USP22: variants seen among roughly 807,000 people sequenced by gnomAD.
USP22 encodes ubiquitin carboxyl-terminal hydrolase 22.
USP22 carries 22 observed loss-of-function variants against 68.1 expected under a neutral mutation model. The observed-to-expected ratio is 0.32, with a 90% CI of 0.23 to 0.46. USP22 has a LOEUF of 0.46. USP22 is among the 20% of genes least tolerant of loss of function. The pLI is 1.00. For synonymous variants in USP22, 279 were observed against 274.2 expected (o/e 1.02, Z -0.17); for missense variants, 433 against 695.8 (o/e 0.62, Z 4.25).
intron 10 of USP22, 60 bp downstream of exon 10, chr17:21,006,836 T>G: frequency 1.4e-6 from 2 of 1,390,374 alleles, no homozygotes; most frequent in South Asian, 2.9e-5. Context: ...CGAGCTGGAT[T>G]CCTGTCCTGA....
At chr17:21,025,605 T>C (rs1972209924) in intron 2 of USP22, among the ~76,000 whole-genome samples, 1 of 152,166 alleles carries the variant, frequency 6.6e-6, no homozygotes, top group Non-Finnish European at 1.5e-5. Context: ...CACACGTCCA[T>C]CAGCAGATGA....
At chr17:21,041,201 GAC>G (rs1039173403) in intron 1 of USP22, among the ~76,000 whole-genome samples, 7 of 152,008 alleles carry the variant, frequency 4.6e-5, no homozygotes, top group Non-Finnish European at 8.8e-5. Flanking sequence ...TTTTCTTAAA[GAC>G]ACACAATTCT....
Position 21,021,847 on chromosome 17 carries a change from C to A in USP22, c.305-621G>T, listed in dbSNP as rs139299714. Among the ~76,000 whole-genome samples the A allele has an allele frequency of 4.4e-3, 669 of 152,258 alleles. 7 individuals carry two copies. Among genetic ancestry groups the A allele is most frequent in the African/African-American group, 0.015 (634 of 41,546 alleles). On this transcript the variant is annotated intron_variant, in intron 2 of 12. Coordinates refer to ENST00000261497, the MANE Select transcript of USP22 (RefSeq NM_015276.2). ...AGGAGCTGTGACTTATGCCTGTTAC[C>A]CCAGCACTTTGGGAAGCCGATGTAG...
intron 2 of USP22, 95 bp from the exon 3 acceptor site, chr17:21,021,321 T>C: frequency 2.5e-6 from 2 of 789,456 alleles, no homozygotes; most frequent in Non-Finnish European, 4.3e-6. Context: ...GTTCTGTAGA[T>C]ACTGACTGTT....
intron 10 of USP22, chr17:21,005,263 A>G: frequency 4.6e-6 from 2 of 432,888 alleles, no homozygotes; most frequent in South Asian, 7.3e-5. Flanking sequence ...TGGTAATGGG[A>G]GCTGGATCTG....
At position 21,004,333 on chromosome 17, in the gene USP22, A is replaced by G; in HGVS notation, c.1404T>C (p.Val468=). 1 of 1,614,188 alleles carries G rather than the reference A, an allele frequency of 6.2e-7. No individual in the cohort carries two copies. The highest frequency in any genetic ancestry group is 8.5e-7 in the Non-Finnish European group (1 of 1,180,006). Residue 468 remains valine, a synonymous_variant, in exon 12 of 13, where the codon GTT becomes GTC. Coordinates refer to ENST00000261497, the MANE Select transcript of USP22 (RefSeq NM_015276.2). The part of the protein sequence containing the change: ...NNDNKYSLFA[V]VNHQGTLESG... ...TCTCCAAGGTCCCTTGATGGTTAAC[A>G]ACAGCAAACAGGGAATACCTAGTGC...
In USP22 at chr17:21,013,083, G is replaced by A. The variant is rs571220259; in HGVS notation, c.839-148C>T. On this transcript the variant is annotated intron_variant, in intron 6 of 12. Transcript: ENST00000261497. ...AGGACACTCCTCATTTTAGCAGAGG[G>A]TGTCCTTGTTATTTTAATATGACGA... 1.3e-5 allele frequency: 8 copies of A among 605,046 alleles called. No individual in the cohort carries two copies. In the African/African-American group the frequency reaches 1.5e-4, roughly 11 times the overall value. The allele number at this position is 605,046 out of a possible 1,614,324, so 37.5% of individuals were successfully genotyped here.
chr17:21,028,287 T>C (rs1972246947), intron 2 of USP22, among the ~76,000 whole-genome samples: 1 of 152,118 alleles, frequency 6.6e-6, no homozygotes, highest in Non-Finnish European at 1.5e-5. Context: ...CAGTGCAACT[T>C]TTCACAGGAA....
chr17:21,004,375 G>A (rs765205458), intron 11 of USP22, 24 bp from the exon 12 acceptor site: 15 of 1,611,202 alleles, frequency 9.3e-6, no homozygotes, highest in Non-Finnish European at 1.2e-5. Flanking sequence ...AAAGGAGAGG[G>A]AGGGCGCAGG....
chr17:21,035,601 C>T (rs1460404944), intron 1 of USP22, among the ~76,000 whole-genome samples: 1 of 151,626 alleles, frequency 6.6e-6, no homozygotes, highest in East Asian at 1.9e-4. Flanking sequence ...GTCAACAAGT[C>T]ACAAGGCCCA....
chr17:21,000,759 C>T lies in USP22; in HGVS notation c.*2272G>A, dbSNP rs1913540860. The T allele has an allele frequency of 6.6e-6, 1 of 152,216 alleles. No homozygotes were observed. Among genetic ancestry groups the T allele is most frequent in the South Asian group, 2.1e-4 (1 of 4,836 alleles). 9.4% of individuals were successfully genotyped at this position (152,216 alleles called of 1,614,324 possible). A position where few individuals can be genotyped will look rare whatever the true frequency, so the allele number is the denominator to read the frequency against. ...AACTCTCCTTTCCATTAGATTTGTTCCTAATTAAAAGACCACTCATAGGCC... is the reference window on the plus strand; with the variant it reads ...AACTCTCCTTTCCATTAGATTTGTTTCTAATTAAAAGACCACTCATAGGCC... On this transcript the variant is annotated 3_prime_UTR_variant, in exon 13 of 13. Coordinates refer to ENST00000261497, the MANE Select transcript of USP22 (RefSeq NM_015276.2).
Position 21,019,200 on chromosome 17 carries a change from G to A in USP22, c.419-15C>T, listed in dbSNP as rs1288985180. 3.7e-6 allele frequency: 6 copies of A among 1,612,270 alleles called. No homozygotes were observed. The highest frequency in any genetic ancestry group is 4.2e-6 in the Non-Finnish European group (5 of 1,178,374). On this transcript the variant is annotated splice_polypyrimidine_tract_variant and intron_variant, in intron 3 of 12. Transcript: ENST00000261497. ...CTCTCCAACGCCTAAGCAGATGAAGGACAGTTCCAAGCGCTATTAGCTAGA... is the reference window on the plus strand; with the variant it reads ...CTCTCCAACGCCTAAGCAGATGAAGAACAGTTCCAAGCGCTATTAGCTAGA...
intron 2 of USP22, among the ~76,000 whole-genome samples, chr17:21,024,762 T>C (rs181488228): frequency 2.6e-5 from 4 of 151,342 alleles, no homozygotes; most frequent in Admixed American, 2.6e-4. Context: ...GAGCCCAGAG[T>C]TCAAGATAAG....
At chr17:21,042,000 GGGCCCCGAGGCAGCCGCGAAGCTCC>G (rs1204960890) in intron 1 of USP22, among the ~76,000 whole-genome samples, 1 of 151,728 alleles carries the variant, frequency 6.6e-6, no homozygotes, top group Non-Finnish European at 1.5e-5. Flanking sequence ...AGCTCCTCGC[GGGCCCCGAGGCAGCCGCGAAGCTCC>G]GGCCCCGCGC....
At position 21,042,843 on chromosome 17, in the gene USP22, A is replaced by G. The variant is rs893545919; in HGVS notation, c.-8T>C. 1 of 1,289,846 alleles carries G rather than the reference A, an allele frequency of 7.8e-7. No homozygotes were observed. Among genetic ancestry groups the G allele is most frequent in the Admixed American group, 3.9e-5 (1 of 25,364 alleles). 79.9% of individuals were successfully genotyped at this position (1,289,846 alleles called of 1,614,324 possible). A position where few individuals can be genotyped will look rare whatever the true frequency, so the allele number is the denominator to read the frequency against. On this transcript the variant is annotated 5_prime_UTR_variant, in exon 1 of 13. Coordinates refer to ENST00000261497, the MANE Select transcript of USP22 (RefSeq NM_015276.2). ...CTCTGGCCGGGACACCATGGGGGGC[A>G]AGGCCCGGCCGCGCGCGGGGGGCGG... is the stretch of plus-strand genomic sequence containing the variant.
intron 9 of USP22, 110 bp from the exon 10 acceptor site, chr17:21,007,097 T>G: frequency 1.1e-6 from 1 of 908,640 alleles, no homozygotes; most frequent in Non-Finnish European, 1.6e-6. Flanking sequence ...TCTTTTGTAT[T>G]TTATTGAACT....
intron 2 of USP22, among the ~76,000 whole-genome samples, chr17:21,024,190 T>C (rs988353495): frequency 3.9e-5 from 6 of 152,174 alleles, no homozygotes; most frequent in South Asian, 2.1e-4. Context: ...CCCCAGCACA[T>C]GGACGTCACA....
chr17:21,038,717 G>A (rs1380077350), intron 1 of USP22, among the ~76,000 whole-genome samples: 1 of 151,596 alleles, frequency 6.6e-6, no homozygotes, highest in Admixed American at 6.6e-5. Flanking sequence ...GTGTTTTGAG[G>A]ACACAGTGCC....
At chr17:21,017,054 C>A (rs1010004420) in intron 5 of USP22, among the ~76,000 whole-genome samples, 8 of 152,196 alleles carry the variant, frequency 5.3e-5, no homozygotes, top group Non-Finnish European at 1.2e-4. Flanking sequence ...TGGCACATTG[C>A]AGGTACTTTG....
Sources: allele counts gnomAD v4.1 joint callset (sites outside exome capture counted in the v4.1 genomes callset), GRCh38; gene constraint gnomAD v4.1.1; transcripts MANE v1.5; gene names NCBI Gene and HGNC (gene_info 2026-07-23, HGNC 2026-07-21).